COL8A2: variants seen among roughly 807,000 people sequenced by gnomAD.
COL8A2 encodes collagen type VIII alpha 2 chain.
A neutral mutation model predicts 24.0 loss-of-function variants in COL8A2; 16 were observed. The observed-to-expected ratio is 0.67, with a 90% CI of 0.45 to 1.01. COL8A2 has a LOEUF of 1.01. Among genes scored for constraint, COL8A2 ranks in the 50% least tolerant of loss-of-function variants. The probability of loss-of-function intolerance (pLI) is 0.00; values close to 1 mark genes in which losing one functional copy is unlikely to be tolerated. For missense variants in COL8A2, 818 were observed against 942.4 expected (o/e 0.87, Z 1.73); for synonymous variants, 466 against 424.5 (o/e 1.10, Z -1.20).
chr1:36,110,432 G>A (rs1570046040), intron 2 of COL8A2, among the ~76,000 whole-genome samples: 1 of 152,054 alleles, frequency 6.6e-6, no homozygotes, highest in Admixed American at 6.5e-5. Flanking sequence ...CAAAAGCTCA[G>A]GTTACTTGCT....
chr1:36,108,483 C>T (rs919376390), intron 2 of COL8A2, among the ~76,000 whole-genome samples: 1 of 152,220 alleles, frequency 6.6e-6, no homozygotes, highest in Non-Finnish European at 1.5e-5. Flanking sequence ...CGAGGTGGGA[C>T]GCACACAGGA....
At chr1:36,103,359 G>A (rs1415547706) in intron 2 of COL8A2, among the ~76,000 whole-genome samples, 2 of 151,272 alleles carry the variant, frequency 1.3e-5, no homozygotes, top group Non-Finnish European at 3.0e-5. Flanking sequence ...TGCAAGCTCC[G>A]CCTCCCAGGT....
chr1:36,115,608 G>T lies in COL8A2; in HGVS notation c.-17+100C>A. The T allele has an allele frequency of 4.6e-6, 3 of 656,988 alleles. No individual in the cohort carries two copies. Among genetic ancestry groups the T allele is most frequent in the Non-Finnish European group, 5.7e-6 (3 of 529,766 alleles). The allele number at this position is 656,988 out of a possible 1,614,324, so 40.7% of individuals were successfully genotyped here. A position where few individuals can be genotyped will look rare whatever the true frequency, so the allele number is the denominator to read the frequency against. ...CACAGGACTCTCTGGGCCTGGGAGGGGCTTCCGGTGCAGCAGGAGGGAGTG... is the reference window on the plus strand; with the variant it reads ...CACAGGACTCTCTGGGCCTGGGAGGTGCTTCCGGTGCAGCAGGAGGGAGTG... On this transcript the variant is annotated intron_variant, in intron 2 of 3. Transcript: ENST00000397799. The surrounding 1 kb of genome is among the most constrained non-coding windows in gnomAD (Gnocchi z 5.7).
intron 1 of COL8A2, among the ~76,000 whole-genome samples, chr1:36,120,590 A>G (rs1475810021): frequency 6.6e-6 from 1 of 152,078 alleles, no homozygotes; most frequent in African/African-American, 2.4e-5. Flanking sequence ...TCTACTAAAA[A>G]TATAAAAATT....
Position 36,102,945 on chromosome 1 carries a change from T to A in COL8A2, c.-16-2687A>T, listed in dbSNP as rs551494416. Among the ~76,000 whole-genome samples the A allele has an allele frequency of 9.2e-5, 14 of 152,280 alleles. No individual in the cohort carries two copies. The South Asian group carries it at 1.7e-3, about 18-fold the overall frequency. On this transcript the variant is annotated intron_variant, in intron 2 of 3. Coordinates refer to ENST00000397799, the MANE Select transcript of COL8A2 (RefSeq NM_005202.4). ...GCCTCAGCCTCCCAAAGAGCAGGAATTACAGGCATGAGCCACTGCACCCAG... is the reference window on the plus strand; with the variant it reads ...GCCTCAGCCTCCCAAAGAGCAGGAAATACAGGCATGAGCCACTGCACCCAG...
At position 36,097,407 on chromosome 1, in the gene COL8A2, T is replaced by G; in HGVS notation, c.*162A>C. On this transcript the variant is annotated 3_prime_UTR_variant, in exon 4 of 4. Coordinates refer to ENST00000397799, the MANE Select transcript of COL8A2 (RefSeq NM_005202.4). ...AGGCCAGCCCCTTCCAGAAACAATC[T>G]CAGCCTGCATGCAGGGAGAAAGCAA... 1 of 657,402 alleles carries G rather than the reference T, an allele frequency of 1.5e-6. No homozygotes were observed. The highest frequency in any genetic ancestry group is 1.8e-5 in the African/African-American group (1 of 55,588). The allele number at this position is 657,402 out of a possible 1,614,324, so 40.7% of individuals were successfully genotyped here.
At position 36,096,907 on chromosome 1, in the gene COL8A2, A is replaced by G. The variant is rs922760564; in HGVS notation, c.*662T>C. ...CCCCAGGTCTGTGCCCCAAGCCCTC[A>G]CAAACTGCCTTCCCCATGGCTGCCA... On this transcript the variant is annotated 3_prime_UTR_variant, in exon 4 of 4. Coordinates refer to ENST00000397799, the MANE Select transcript of COL8A2 (RefSeq NM_005202.4). The G allele has an allele frequency of 3.3e-5, 5 of 153,066 alleles. No individual in the cohort carries two copies. Among genetic ancestry groups the G allele is most frequent in the Admixed American group, 2.0e-4 (3 of 15,376 alleles). The allele number at this position is 153,066 out of a possible 1,614,324, so 9.5% of individuals were successfully genotyped here.
chr1:36,118,556 C>A lies in COL8A2; in HGVS notation c.-61-2804G>T, dbSNP rs563049425. On this transcript the variant is annotated intron_variant, in intron 1 of 3. Coordinates refer to ENST00000397799, the MANE Select transcript of COL8A2 (RefSeq NM_005202.4). Reference sequence around the variant, plus strand: ...ATGGGACTCTGTTCTTAACCTTCACCCCCAGCTGCCTTCCCTAATCCCCTC... The same window carrying A: ...ATGGGACTCTGTTCTTAACCTTCACACCCAGCTGCCTTCCCTAATCCCCTC... 4.0e-4 allele frequency among the ~76,000 whole-genome samples: 61 copies of A among 152,332 alleles called. No homozygotes were observed. The Middle Eastern group carries it at 0.014, about 34-fold the overall frequency.
rs1423222574 is a variant in COL8A2, at chr1:36,097,885, TAG to T, written c.1794_1795del (p.Tyr599GlnfsTer51). On this transcript the variant is annotated frameshift_variant, in exon 4 of 4. Coordinates refer to ENST00000397799, the MANE Select transcript of COL8A2 (RefSeq NM_005202.4). LOFTEE classifies it high-confidence loss of function. ...TGGGTTGTAGCCGCTGTGGCCATTG[TAG>T]AGAGTCCGGTCAAATTTCACGGGCA... 1 of 1,612,586 alleles carries T rather than the reference TAG, an allele frequency of 6.2e-7. No individual in the cohort carries two copies. Among genetic ancestry groups the T allele is most frequent in the Non-Finnish European group, 8.5e-7 (1 of 1,179,982 alleles).
chr1:36,104,321 A>C (rs980685953), intron 2 of COL8A2, among the ~76,000 whole-genome samples: 3 of 150,840 alleles, frequency 2.0e-5, no homozygotes, highest in Middle Eastern at 3.5e-3. Flanking sequence ...GTGAACCCTG[A>C]TCTCTACTAA....
At chr1:36,099,591 G>T in intron 3 of COL8A2, 104 bp from the exon 4 acceptor site, 2 of 882,484 alleles carry the variant, frequency 2.3e-6, no homozygotes, top group Non-Finnish European at 3.6e-6. Flanking sequence ...GGGAGAGGAA[G>T]AATGGGGCTG....
intron 2 of COL8A2, among the ~76,000 whole-genome samples, chr1:36,114,329 A>AAG (rs1237712999): frequency 6.6e-6 from 1 of 151,096 alleles, no homozygotes; most frequent in African/African-American, 2.4e-5. Context: ...AAAAAAAAAA[A>AAG]AAAAAAATAC....
intron 2 of COL8A2, among the ~76,000 whole-genome samples, chr1:36,101,276 C>T (rs932334561): frequency 2.6e-5 from 4 of 152,310 alleles, no homozygotes; most frequent in Non-Finnish European, 4.4e-5. Flanking sequence ...CCCTCACCTC[C>T]CCACACCTCC....
In COL8A2 at chr1:36,099,217, C is replaced by T. The variant is rs75864656; in HGVS notation, c.464G>A (p.Arg155Gln). Residue 155 changes from arginine (R) to glutamine (Q), a missense_variant, in exon 4 of 4, where the codon CGG becomes CAG. Physicochemically the swap from Arg to Gln is conservative, Grantham distance 43. Around this residue, in one of 3 missense-constraint regions of COL8A2, gnomAD observed 573 missense variants for 616.8 expected, o/e 0.93. Coordinates refer to ENST00000397799, the MANE Select transcript of COL8A2 (RefSeq NM_005202.4). ...EPGIRGDQGL[R>Q]GPPGPPGLPG... ...GAGGCCAGGGGGTCCTGGGGGTCCC[C>T]GGAGGCCCTGGTCCCCTCGTATTCC... The T allele has an allele frequency of 7.7e-3, 11,901 of 1,537,620 alleles. 385 individuals are homozygous for T. Among genetic ancestry groups the T allele is most frequent in the East Asian group, 0.07 (2,870 of 40,734 alleles).
rs1483292227 is a variant in COL8A2 at position 36,125,141 on chromosome 1, G to C, written c.-146C>G. On this transcript the variant is annotated 5_prime_UTR_variant, in exon 1 of 4. Transcript: ENST00000397799. The surrounding 1 kb of genome is among the most constrained non-coding windows in gnomAD (Gnocchi z 4.5). ...GCTCCGGGCAGGGGCGTCCGCGGCT[G>C]GGCGGGCGGCGTTGGGGTCCGGGGT... is the stretch of plus-strand genomic sequence containing the variant. The C allele has an allele frequency of 1.3e-6, 1 of 777,216 alleles. No homozygotes were observed. The highest frequency in any genetic ancestry group is 1.9e-5 in the African/African-American group (1 of 53,006). The allele number at this position is 777,216 out of a possible 1,614,324, so 48.1% of individuals were successfully genotyped here. A position where few individuals can be genotyped will look rare whatever the true frequency, so the allele number is the denominator to read the frequency against.
At chr1:36,111,161 C>CT (rs1041896970) in intron 2 of COL8A2, among the ~76,000 whole-genome samples, 1 of 152,170 alleles carries the variant, frequency 6.6e-6, no homozygotes, top group African/African-American at 2.4e-5. Context: ...CCCTTGCCCC[C>CT]AGTCTCCAGC....
chr1:36,110,377 T>C (rs959736412), intron 2 of COL8A2, among the ~76,000 whole-genome samples: 6 of 152,280 alleles, frequency 3.9e-5, no homozygotes, highest in African/African-American at 1.4e-4. Flanking sequence ...TTCACTCTAA[T>C]TTCAATTCAT....
At chr1:36,100,000 T>G in intron 3 of COL8A2, 50 bp downstream of exon 3, 5 of 1,561,300 alleles carry the variant, frequency 3.2e-6, no homozygotes, top group Non-Finnish European at 4.4e-6. Flanking sequence ...AGGCAGGGGA[T>G]TTGGGGGCTG....
Position 36,099,440 on chromosome 1 carries a change from G to A in COL8A2, c.241C>T (p.Pro81Ser), listed in dbSNP as rs1643640484. Residue 81 changes from proline to serine, a missense_variant, in exon 4 of 4, where the codon CCC becomes TCC. By Grantham distance (74) the Pro-to-Ser change is moderately conservative. Around this residue, in one of 3 missense-constraint regions of COL8A2, gnomAD observed 573 missense variants for 616.8 expected, o/e 0.93. Coordinates refer to ENST00000397799, the MANE Select transcript of COL8A2 (RefSeq NM_005202.4). ...LPMDLKGEPGPPGKPGPRGPP... is the reference protein window; with the variant it reads ...LPMDLKGEPGSPGKPGPRGPP... ...CCCCGAGGCCCGGGCTTCCCAGGGG[G>A]GCCGGGCTCTCCCTTCAGGTCCATC... 16 of 1,545,586 alleles carry A rather than the reference G, an allele frequency of 1.0e-5. No individual in the cohort carries two copies. The highest frequency in any genetic ancestry group is 1.4e-5 in the Non-Finnish European group (16 of 1,150,586).
Sources: allele counts gnomAD v4.1 joint callset (sites outside exome capture counted in the v4.1 genomes callset), GRCh38; gene constraint gnomAD v4.1.1; regional missense constraint gnomAD v4.1.1; non-coding constraint Gnocchi (gnomAD v3.1); transcripts MANE v1.5; gene names NCBI Gene and HGNC (gene_info 2026-07-23, HGNC 2026-07-21).